Variants in ABHD6 observed in about 807,000 individuals in gnomAD.
ABHD6 encodes monoacylglycerol lipase ABHD6.
A neutral mutation model predicts 38.8 loss-of-function variants in ABHD6; 33 were observed. The observed-to-expected ratio is 0.85, with a 90% CI of 0.64 to 1.14. ABHD6 has a LOEUF of 1.14. Ranked by LOEUF, ABHD6 falls within the 50% of genes most tolerant of loss-of-function variation. The pLI is 0.00. For synonymous variants in ABHD6, 147 were observed against 161.6 expected (o/e 0.91, Z 0.69); for missense variants, 380 against 422.6 (o/e 0.90, Z 0.88).
chr3:58,244,305 G>A (rs2097424796), intron 1 of ABHD6, among the ~76,000 whole-genome samples: 1 of 152,134 alleles, frequency 6.6e-6, no homozygotes, highest in Admixed American at 6.6e-5. Flanking sequence ...ACTCCTTTAG[G>A]GGAGAGACTT....
intron 3 of ABHD6, chr3:58,258,466 G>T (rs1489206364): frequency 2.9e-6 from 1 of 346,796 alleles, no homozygotes; most frequent in South Asian, 2.0e-5. Context: ...GAATCAGAAG[G>T]TTAACAGTCA....
At chr3:58,272,151 G>A (rs1421680187) in intron 6 of ABHD6, among the ~76,000 whole-genome samples, 1 of 152,126 alleles carries the variant, frequency 6.6e-6, no homozygotes. Flanking sequence ...TTTACACATA[G>A]TAAATTGTCT....
Position 58,239,046 on chromosome 3 carries a change from A to G in ABHD6, c.-91+1130A>G, listed in dbSNP as rs939627448. ...TGTGCCCATTCCTGAGAGCAGGAAT[A>G]TGAGGCTTCCAGAGGTGGTACCTTC... On this transcript the variant is annotated intron_variant, in intron 1 of 9. Transcript: ENST00000478253. Among the ~76,000 whole-genome samples, 6 of 152,086 alleles carry G rather than the reference A, an allele frequency of 3.9e-5. No individual in the cohort carries two copies. The South Asian group carries it at 6.2e-4, about 16-fold the overall frequency.
intron 9 of ABHD6, among the ~76,000 whole-genome samples, chr3:58,290,267 C>T (rs1381042314): frequency 8.0e-6 from 1 of 124,734 alleles, no homozygotes; most frequent in Non-Finnish European, 1.7e-5. Context: ...CCTCACCTCC[C>T]AGACGGGGCG....
chr3:58,285,317 C>A lies in ABHD6; in HGVS notation c.737-36C>A. 6.2e-7 allele frequency: 1 copy of A among 1,602,034 alleles called. No homozygotes were observed. The highest frequency in any genetic ancestry group is 1.1e-5 in the South Asian group (1 of 90,772). ...CTGCGGTGGTGCCACAGGCACAGTC[C>A]AGCACATACTCACTTTGTTTTCCTT... On this transcript the variant is annotated intron_variant, in intron 8 of 9. Coordinates refer to ENST00000478253, the MANE Select transcript of ABHD6 (RefSeq NM_001320126.2). The surrounding 1 kb of genome is among the most constrained non-coding windows in gnomAD (Gnocchi z 4.9).
rs534957987 is a variant in ABHD6, at chr3:58,257,626, G to T, written c.119+921G>T. On this transcript the variant is annotated intron_variant, in intron 3 of 9. Coordinates refer to ENST00000478253, the MANE Select transcript of ABHD6 (RefSeq NM_001320126.2). This position sits in a 1 kb window ranked among gnomAD's most constrained non-coding sequence, Gnocchi z 4.8. ...GATCCTCCCACCTCAGCCTCCCAAA[G>T]TGCTGGGATTACAGGTGTGAGCCAC... 6.6e-6 allele frequency among the ~76,000 whole-genome samples: 1 copy of T among 152,272 alleles called. No individual in the cohort carries two copies. The highest frequency in any genetic ancestry group is 2.1e-4 in the South Asian group (1 of 4,824).
chr3:58,247,822 G>T (rs542755100), intron 1 of ABHD6, among the ~76,000 whole-genome samples: 1 of 152,154 alleles, frequency 6.6e-6, no homozygotes. Flanking sequence ...TGGTCTGCCC[G>T]CCTCGGCTTC....
Position 58,274,767 on chromosome 3 carries a change from T to G in ABHD6, c.633T>G (p.Ser211Arg). ...PLIPSTPEEMSEMLQLCSYVR... is the reference protein window; with the variant it reads ...PLIPSTPEEMREMLQLCSYVR... ...TCCCGTCTACCCCAGAAGAGATGAG[T>G]GAAATGCTTCAGCTCTGCTCCTATG... The change falls in exon 7 of 10, where the codon AGT (serine) becomes AGG (arginine). Residue 211 changes from serine (S) to arginine (R), a missense_variant. By Grantham distance (110) the Ser-to-Arg change is moderately radical (BLOSUM62 -1). Coordinates refer to ENST00000478253, the MANE Select transcript of ABHD6 (RefSeq NM_001320126.2). 6.2e-7 allele frequency: 1 copy of G among 1,614,142 alleles called. No homozygotes were observed. The highest frequency in any genetic ancestry group is 1.1e-5 in the South Asian group (1 of 91,086).
At chr3:58,268,971 T>C (rs2097442875) in intron 4 of ABHD6, among the ~76,000 whole-genome samples, 1 of 152,156 alleles carries the variant, frequency 6.6e-6, no homozygotes, top group Non-Finnish European at 1.5e-5. Flanking sequence ...AGTCAGCAGC[T>C]GCATGGCTGG....
At position 58,273,337 on chromosome 3, in the gene ABHD6, A is replaced by C. The variant is rs1221552894; in HGVS notation, c.524-1321A>C. 6.6e-6 allele frequency among the ~76,000 whole-genome samples: 1 copy of C among 152,084 alleles called. No homozygotes were observed. The highest frequency in any genetic ancestry group is 1.5e-5 in the Non-Finnish European group (1 of 68,018). On this transcript the variant is annotated intron_variant, in intron 6 of 9. Transcript: ENST00000478253. This position sits in a 1 kb window ranked among gnomAD's most constrained non-coding sequence, Gnocchi z 4.8. ...CACTTTGGGAGGCTAAGAGAGGAGG[A>C]TTGCTTGAGGCCAGGAGTTCAAGAC... is the stretch of plus-strand genomic sequence containing the variant.
rs3773003 is a variant in ABHD6, at chr3:58,263,888, A to C, written c.120-3301A>C. Among the ~76,000 whole-genome samples, 40,528 of 152,088 alleles carry C rather than the reference A, an allele frequency of 0.27. 5,486 individuals are homozygous for C. The highest frequency in any genetic ancestry group is 0.28 in the Non-Finnish European group (18,742 of 67,976). ...CACAAAGAAAATGTAAATTACCCAT[A>C]ACCCCTGGAATAATTAATTTTCTTC... On this transcript the variant is annotated intron_variant, in intron 3 of 9. Coordinates refer to ENST00000478253, the MANE Select transcript of ABHD6 (RefSeq NM_001320126.2). The surrounding 1 kb of genome is among the most constrained non-coding windows in gnomAD (Gnocchi z 4.9).
At chr3:58,290,519 TGACCCCCCA>T in intron 9 of ABHD6, among the ~76,000 whole-genome samples, 4 of 122,030 alleles carry the variant, frequency 3.3e-5, no homozygotes, top group Admixed American at 8.0e-5. Context: ...TGGCAGGGGC[TGACCCCCCA>T]CCTCCCTCCC....
intron 4 of ABHD6, among the ~76,000 whole-genome samples, chr3:58,268,455 T>G (rs1349563177): frequency 6.6e-6 from 1 of 152,208 alleles, no homozygotes; most frequent in Non-Finnish European, 1.5e-5. Flanking sequence ...TTGGTTTACT[T>G]GGGTGTGGCA....
intron 9 of ABHD6, among the ~76,000 whole-genome samples, chr3:58,289,910 AGGGGCTCCTC>A (rs2107480425): frequency 7.2e-6 from 1 of 139,172 alleles, no homozygotes; most frequent in East Asian, 2.2e-4. Context: ...GGCCGGGCAG[AGGGGCTCCTC>A]ACTTCCCAGT....
At chr3:58,258,460 CAGA>C (rs2097434830) in intron 3 of ABHD6, 3 of 362,922 alleles carry the variant, frequency 8.3e-6, no homozygotes, top group South Asian at 1.9e-5. Flanking sequence ...TTGTTGGAAT[CAGA>C]AGGTTAACAG....
At chr3:58,250,160 A>T (rs2097428959) in intron 2 of ABHD6, among the ~76,000 whole-genome samples, 1 of 152,116 alleles carries the variant, frequency 6.6e-6, no homozygotes, top group African/African-American at 2.4e-5. Flanking sequence ...GTTCTGAAAG[A>T]CTATGTGGGG....
Position 58,287,540 on chromosome 3 carries a change from G to C in ABHD6, c.837+2087G>C, listed in dbSNP as rs1392416615. Among the ~76,000 whole-genome samples, 1 of 152,196 alleles carries C rather than the reference G, an allele frequency of 6.6e-6. No individual in the cohort carries two copies. Among genetic ancestry groups the C allele is most frequent in the Non-Finnish European group, 1.5e-5 (1 of 68,024 alleles). ...GGTTTTGTGGACGTGGAGAGAAGGG[G>C]ATCTCATGTGCTCTCTTCTGCAGCG... is the stretch of plus-strand genomic sequence containing the variant. On this transcript the variant is annotated intron_variant, in intron 9 of 9. Coordinates refer to ENST00000478253, the MANE Select transcript of ABHD6 (RefSeq NM_001320126.2). The surrounding 1 kb of genome is among the most constrained non-coding windows in gnomAD (Gnocchi z 4.7).
At chr3:58,289,110 A>T (rs1410200459) in intron 9 of ABHD6, among the ~76,000 whole-genome samples, 1 of 152,206 alleles carries the variant, frequency 6.6e-6, no homozygotes, top group African/African-American at 2.4e-5. Context: ...GCTAGAATGC[A>T]GTGGCTCAAT....
chr3:58,285,104 A>G lies in ABHD6; in HGVS notation c.701A>G (p.Asp234Gly), dbSNP rs1297043609. ...VPQQILQGLV[D>G]VRIPHNNFYR... ...CCTTAGATCCTGCAAGGCCTTGTCGATGTCCGCATCCCTCATAACAACTTC... is the reference window on the plus strand; with the variant it reads ...CCTTAGATCCTGCAAGGCCTTGTCGGTGTCCGCATCCCTCATAACAACTTC... The change falls in exon 8 of 10, where the codon GAT becomes GGT. Residue 234 changes from aspartate (D) to glycine (G), a missense_variant. Coordinates refer to ENST00000478253, the MANE Select transcript of ABHD6 (RefSeq NM_001320126.2). The surrounding 1 kb of genome is among the most constrained non-coding windows in gnomAD (Gnocchi z 4.9). 6.2e-7 allele frequency: 1 copy of G among 1,614,170 alleles called. No individual in the cohort carries two copies.
Sources: gnomAD v4.1 joint callset for allele counts (sites outside exome capture counted in the v4.1 genomes callset) on GRCh38, gnomAD v4.1.1 for gene constraint, Gnocchi (gnomAD v3.1) non-coding constraint, MANE v1.5 for transcripts, NCBI Gene and HGNC (gene_info 2026-07-23, HGNC 2026-07-21) for gene names.